Variants in IL34 observed in about 807,000 individuals in gnomAD.
IL34 encodes interleukin 34, also known as interleukin-34.
In IL34, 17 loss-of-function variants were observed where a neutral mutation model predicts 25.3. That is an observed-to-expected ratio of 0.67 (90% CI 0.46 to 1.01). The LOEUF (loss-of-function observed/expected upper bound fraction) is 1.01. IL34 is among the 50% of genes least tolerant of loss of function. The probability of loss-of-function intolerance (pLI) is 0.00; values close to 1 mark genes in which losing one functional copy is unlikely to be tolerated. For missense variants in IL34, 368 were observed against 312.9 expected, an observed-to-expected ratio of 1.18 and a Z score of -1.33; for synonymous variants, 174 against 140.9, an observed-to-expected ratio of 1.23 and a Z score of -1.66.
At chr16:70,614,560 C>T (rs2051145978) in intron 1 of IL34, among the ~76,000 whole-genome samples, 1 of 152,206 alleles carries the variant, frequency 6.6e-6, no homozygotes, top group Non-Finnish European at 1.5e-5. Flanking sequence ...AACACGGAAC[C>T]TGTTTTGTTT....
At chr16:70,658,857 C>T (rs1395385414) in intron 4 of IL34, among the ~76,000 whole-genome samples, 1 of 152,188 alleles carries the variant, frequency 6.6e-6, no homozygotes, top group Non-Finnish European at 1.5e-5. Context: ...TTAGGGCCTA[C>T]CTGAAATCCA....
At chr16:70,650,699 G>T (rs1597778132) in intron 1 of IL34, among the ~76,000 whole-genome samples, 1 of 152,224 alleles carries the variant, frequency 6.6e-6, no homozygotes, top group Non-Finnish European at 1.5e-5. Flanking sequence ...CTAGGTCTGT[G>T]GTTCCAGACC....
intron 2 of IL34, among the ~76,000 whole-genome samples, chr16:70,656,156 C>A (rs931950423): frequency 6.6e-6 from 1 of 152,148 alleles, no homozygotes; most frequent in Non-Finnish European, 1.5e-5. Flanking sequence ...GTGTTTTTAT[C>A]CCAGCTGGGA....
chr16:70,608,199 G>A (rs893029801), intron 1 of IL34, among the ~76,000 whole-genome samples: 9 of 149,052 alleles, frequency 6.0e-5, no homozygotes, highest in Non-Finnish European at 1.2e-4. Flanking sequence ...TGTGCTCTCG[G>A]CTCACTGCAA....
chr16:70,596,301 A>C (rs927514663), intron 1 of IL34, among the ~76,000 whole-genome samples: 1 of 152,182 alleles, frequency 6.6e-6, no homozygotes, highest in African/African-American at 2.4e-5. Flanking sequence ...GAGGTGATGA[A>C]TTTTGGGGGA....
intron 1 of IL34, among the ~76,000 whole-genome samples, chr16:70,633,357 G>A (rs568989827): frequency 5.3e-5 from 8 of 151,612 alleles, no homozygotes; most frequent in Non-Finnish European, 7.4e-5. Context: ...AGGCTAAAGC[G>A]ATCCACCTGC....
chr16:70,646,100 A>G (rs1488385441), upstream of IL34, among the ~76,000 whole-genome samples: 2 of 151,772 alleles, frequency 1.3e-5, no homozygotes, highest in Admixed American at 6.6e-5. Context: ...AATAGAACTG[A>G]GGTCTTACTA....
intron 1 of IL34, among the ~76,000 whole-genome samples, chr16:70,585,512 C>T (rs1432668304): frequency 6.6e-6 from 1 of 151,804 alleles, no homozygotes; most frequent in Non-Finnish European, 1.5e-5. Context: ...ATGATGAAAC[C>T]TTGTCTCTAC....
At chr16:70,635,960 T>C (rs890770658) in intron 1 of IL34, among the ~76,000 whole-genome samples, 3 of 151,402 alleles carry the variant, frequency 2.0e-5, no homozygotes, top group African/African-American at 7.3e-5. Context: ...CAAAAGAGGA[T>C]CCTCACCTTG....
intron 1 of IL34, among the ~76,000 whole-genome samples, chr16:70,583,937 C>G (rs1020829626): frequency 2.6e-5 from 4 of 152,170 alleles, no homozygotes. Context: ...CGAGCGTGAA[C>G]CACCGTGCCT....
intron 1 of IL34, among the ~76,000 whole-genome samples, chr16:70,628,389 T>C (rs527668549): frequency 6.6e-6 from 1 of 152,290 alleles, no homozygotes; most frequent in Admixed American, 6.5e-5. Context: ...CATTTCTTGA[T>C]AAGTTTATTT....
intron 1 of IL34, among the ~76,000 whole-genome samples, chr16:70,583,661 C>T (rs2050659979): frequency 6.6e-6 from 1 of 151,438 alleles, no homozygotes; most frequent in Admixed American, 6.6e-5. Flanking sequence ...GCATGTAGAT[C>T]TTTCCTCCTG....
intron 1 of IL34, among the ~76,000 whole-genome samples, chr16:70,640,382 G>A (rs1162659766): frequency 1.3e-5 from 2 of 152,106 alleles, no homozygotes; most frequent in Non-Finnish European, 2.9e-5. Flanking sequence ...ACAGCACTTT[G>A]GGAGGCCGAG....
intron 1 of IL34, among the ~76,000 whole-genome samples, chr16:70,624,322 A>G (rs2051344966): frequency 1.3e-5 from 2 of 152,048 alleles, no homozygotes; most frequent in South Asian, 4.1e-4. Flanking sequence ...TGTGTGCTGG[A>G]GATGTGGCTG....
In IL34 at chr16:70,660,083, G is replaced by T; in HGVS notation, c.625G>T (p.Ala209Ser). ...CCCAGAGCCCTCATTGCAGTATGCGGCCACCCAGCTGTACCCTCCGCCCCC... is the reference window on the plus strand; with the variant it reads ...CCCAGAGCCCTCATTGCAGTATGCGTCCACCCAGCTGTACCCTCCGCCCCC... Reference protein sequence around the residue: ...CSPEPSLQYAATQLYPPPPWS... With the variant: ...CSPEPSLQYASTQLYPPPPWS... The change falls in exon 6 of 6, where the codon GCC becomes TCC. Residue 209 changes from alanine (A) to serine (S), a missense_variant. Transcript: ENST00000288098. The T allele has an allele frequency of 6.2e-7, 1 of 1,613,724 alleles. No individual in the cohort carries two copies. Among genetic ancestry groups the T allele is most frequent in the South Asian group, 1.1e-5 (1 of 91,066 alleles).
chr16:70,655,019 C>G (rs1042951821), intron 2 of IL34, among the ~76,000 whole-genome samples: 1 of 151,878 alleles, frequency 6.6e-6, no homozygotes, highest in African/African-American at 2.4e-5. Context: ...ATATTTGGTT[C>G]TTTTTGCAGA....
chr16:70,590,888 A>AC (rs1213888487), intron 1 of IL34, among the ~76,000 whole-genome samples: 1 of 151,534 alleles, frequency 6.6e-6, no homozygotes, highest in East Asian at 1.9e-4. Context: ...GTGCCCTGCC[A>AC]CCCCCACAGT....
Position 70,646,959 on chromosome 16 carries a change from C to G in IL34, c.12C>G (p.Gly4=). The change falls in exon 1 of 6, where the codon GGC becomes GGG. Residue 4 remains glycine (G), a synonymous_variant. Coordinates refer to ENST00000288098, the MANE Select transcript of IL34 (RefSeq NM_001393494.1). ...CGAGGAACACCACCATGCCCCGGGG[C>G]TTCACCTGGCTGCGCTGTGAGTACT... MPR[G]FTWLRYLGIF... is the part of the protein sequence containing the mutation. 6.8e-7 allele frequency: 1 copy of G among 1,466,236 alleles called. No homozygotes were observed. Among genetic ancestry groups the G allele is most frequent in the Non-Finnish European group, 9.0e-7 (1 of 1,116,210 alleles). The allele number at this position is 1,466,236 out of a possible 1,614,324, so 90.8% of individuals were successfully genotyped here. A position where few individuals can be genotyped will look rare whatever the true frequency, so the allele number is the denominator to read the frequency against.
chr16:70,605,244 C>G (rs908586576), intron 1 of IL34, among the ~76,000 whole-genome samples: 6 of 152,166 alleles, frequency 3.9e-5, no homozygotes, highest in African/African-American at 1.4e-4. Flanking sequence ...TCTCTGACGA[C>G]AAGAGGCCCC....
Sources: allele counts gnomAD v4.1 joint callset (sites outside exome capture counted in the v4.1 genomes callset), GRCh38; gene constraint gnomAD v4.1.1; transcripts MANE v1.5; gene names NCBI Gene and HGNC (gene_info 2026-07-23, HGNC 2026-07-21).